Variants in DISC1 observed in about 807,000 individuals in gnomAD.
DISC1 encodes disrupted in schizophrenia 1 protein.
DISC1 carries 57 observed loss-of-function variants against 84.5 expected under a neutral mutation model. That is an observed-to-expected ratio of 0.67 (90% CI 0.55 to 0.84). The LOEUF (loss-of-function observed/expected upper bound fraction) is 0.84, where lower values mean the gene tolerates loss of function less well. Ranked by LOEUF, DISC1 falls within the 40% of genes least tolerant of loss-of-function variation. The pLI, the probability that DISC1 is intolerant of heterozygous loss-of-function variation, is 0.00. For missense variants in DISC1, 1,000 were observed against 1,057.8 expected, an observed-to-expected ratio of 0.95 and a Z score of 0.76; for synonymous variants, 411 against 415.2, an observed-to-expected ratio of 0.99 and a Z score of 0.12.
intron 8 of DISC1, among the ~76,000 whole-genome samples, chr1:231,802,262 G>C (rs936285833): frequency 6.6e-6 from 1 of 152,042 alleles, no homozygotes; most frequent in Admixed American, 6.6e-5. Flanking sequence ...TCATGAGGGC[G>C]GTTTCCCCCA....
At chr1:231,713,425 A>T (rs2068135051) in intron 3 of DISC1, among the ~76,000 whole-genome samples, 1 of 152,102 alleles carries the variant, frequency 6.6e-6, no homozygotes, top group Non-Finnish European at 1.5e-5. Context: ...AACCAGAAAA[A>T]CAGTGTATGA....
intron 11 of DISC1, among the ~76,000 whole-genome samples, chr1:232,021,251 G>A (rs978576673): frequency 2.0e-5 from 3 of 151,850 alleles, no homozygotes; most frequent in South Asian, 2.1e-4. Flanking sequence ...CCTGTGGGTC[G>A]TATTGCACTC....
chr1:231,762,277 CT>C (rs2075796987), intron 4 of DISC1, among the ~76,000 whole-genome samples: 1 of 130,908 alleles, frequency 7.6e-6, no homozygotes, highest in African/African-American at 2.9e-5. Context: ...CTTTCCTTTC[CT>C]TTTCTTTTCT....
chr1:231,742,539 G>C (rs970431036), intron 3 of DISC1, among the ~76,000 whole-genome samples: 22 of 152,118 alleles, frequency 1.4e-4, no homozygotes, highest in African/African-American at 5.3e-4. Context: ...TTGGGAGGCC[G>C]AGGCAGGAAG....
intron 10 of DISC1, among the ~76,000 whole-genome samples, chr1:231,972,339 G>A (rs200616866): frequency 1.3e-5 from 2 of 152,232 alleles, no homozygotes; most frequent in Non-Finnish European, 2.9e-5. Flanking sequence ...TGCCAGAGGG[G>A]CAGGGGCTCA....
intron 11 of DISC1, among the ~76,000 whole-genome samples, chr1:232,018,233 T>C (rs929586214): frequency 4.6e-5 from 7 of 152,236 alleles, no homozygotes; most frequent in Non-Finnish European, 1.0e-4. Context: ...CTTTCTCTTA[T>C]CAAAACAACC....
At chr1:231,906,831 GGAAAAAAAAAATT>G (rs1558716659) in intron 9 of DISC1, among the ~76,000 whole-genome samples, 1 of 148,836 alleles carries the variant, frequency 6.7e-6, no homozygotes, top group Non-Finnish European at 1.5e-5. Context: ...CAAGAAGAAA[GGAAAAAAAAAATT>G]AAGGGGCTTA....
At chr1:231,998,362 G>A (rs553463168) in intron 10 of DISC1, among the ~76,000 whole-genome samples, 3 of 152,088 alleles carry the variant, frequency 2.0e-5, no homozygotes, top group Non-Finnish European at 4.4e-5. Context: ...ATTGAGAACC[G>A]CCCAGAAAAA....
Position 231,675,321 on chromosome 1 carries a change from GCCTCTTC to G in DISC1, c.68-18502_68-18496del, listed in dbSNP as rs753770176. ...GCTGGGTCCTGGGGTCTCTCTCCCT[GCCTCTTC>G]CCCAGCCCTACCCTATTGCACATTT... On this transcript the variant is annotated intron_variant, in intron 1 of 12. Transcript: ENST00000439617. The surrounding 1 kb of genome is among the most constrained non-coding windows in gnomAD (Gnocchi z 4.1). 5.9e-5 allele frequency among the ~76,000 whole-genome samples: 9 copies of G among 151,992 alleles called. No homozygotes were observed. The highest frequency in any genetic ancestry group is 1.3e-4 in the Non-Finnish European group (9 of 68,016).
chr1:231,642,259 G>T (rs1388910709), intron 1 of DISC1, among the ~76,000 whole-genome samples: 1 of 152,220 alleles, frequency 6.6e-6, no homozygotes. Context: ...AGCACCGCGC[G>T]CAGCCCCCGG....
chr1:232,000,018 CAACGTTTTTT>C (rs1666468547), intron 10 of DISC1, among the ~76,000 whole-genome samples: 1 of 152,114 alleles, frequency 6.6e-6, no homozygotes, highest in Non-Finnish European at 1.5e-5. Context: ...AAATGGAACT[CAACGTTTTTT>C]AACATAATGA....
At chr1:231,851,288 C>T (rs556966653) in intron 9 of DISC1, among the ~76,000 whole-genome samples, 12 of 152,286 alleles carry the variant, frequency 7.9e-5, no homozygotes, top group Admixed American at 5.2e-4. Flanking sequence ...TTCAGATTCA[C>T]GGCACTGTTC....
chr1:231,672,239 A>T (rs1037767128), intron 1 of DISC1, among the ~76,000 whole-genome samples: 2 of 152,104 alleles, frequency 1.3e-5, no homozygotes, highest in Admixed American at 6.6e-5. Context: ...TATTTCTGTC[A>T]TCATGTCTGT....
rs897371601 is a variant in DISC1 at position 231,688,409 on chromosome 1, C to T, written c.68-5417C>T. 4.5e-4 allele frequency among the ~76,000 whole-genome samples: 68 copies of T among 152,198 alleles called. 1 individual carries two copies. Among genetic ancestry groups the T allele is most frequent in the African/African-American group, 1.6e-3 (65 of 41,450 alleles). Reference sequence around the variant, plus strand: ...ACTAACTCACAAAATGCGTCTGCATCGGGACTGACTTGTGGCATTCATTTT... The same window carrying T: ...ACTAACTCACAAAATGCGTCTGCATTGGGACTGACTTGTGGCATTCATTTT... On this transcript the variant is annotated intron_variant, in intron 1 of 12. Coordinates refer to ENST00000439617, the MANE Select transcript of DISC1 (RefSeq NM_018662.3).
intron 6 of DISC1, chr1:231,771,298 C>A: frequency 1.0e-6 from 1 of 983,758 alleles, no homozygotes; most frequent in Non-Finnish European, 1.2e-6. Flanking sequence ...ATGCCAGCGA[C>A]CCTCCCCATT....
intron 6 of DISC1, among the ~76,000 whole-genome samples, chr1:231,787,099 T>C (rs11590192): frequency 0.45 from 68,886 of 151,918 alleles, 15,881 homozygotes; most frequent in Admixed American, 0.52. Context: ...TTTAAGTATG[T>C]TCTAAGGCTC....
In DISC1 at chr1:231,658,952, G is replaced by C. The variant is rs559150748; in HGVS notation, c.67+32018G>C. On this transcript the variant is annotated intron_variant, in intron 1 of 12. Transcript: ENST00000439617. ...GCCTGAGGTTTTCTTTTTTTTTGTT[G>C]TATCTCTGCCAGGTTTTGGTATCAG... Among the ~76,000 whole-genome samples the C allele has an allele frequency of 3.6e-3, 542 of 151,704 alleles. 4 individuals carry two copies. The highest frequency in any genetic ancestry group is 0.013 in the African/African-American group (523 of 41,392).
rs2125661901 is a variant in DISC1, at chr1:231,694,672, T to G, written c.914T>G (p.Leu305Arg). Reference protein sequence around the residue: ...PDMDPGSSSSLDPSLAGCGGD... With the variant: ...PDMDPGSSSSRDPSLAGCGGD... ...ATGGACCCTGGCTCCTCCAGTTCTC[T>G]GGATCCCTCACTGGCTGGCTGTGGT... is the stretch of plus-strand genomic sequence containing the variant. The change falls in exon 2 of 13, where the codon CTG becomes CGG. Residue 305 changes from leucine (L) to arginine (R), a missense_variant. Leu to Arg is a moderately radical substitution (Grantham distance 102). Coordinates refer to ENST00000439617, the MANE Select transcript of DISC1 (RefSeq NM_018662.3). The G allele has an allele frequency of 6.2e-7, 1 of 1,614,252 alleles. No homozygotes were observed. Among genetic ancestry groups the G allele is most frequent in the Non-Finnish European group, 8.5e-7 (1 of 1,180,044 alleles).
At chr1:231,749,905 C>G (rs746641012) in intron 3 of DISC1, 21 bp from the exon 4 acceptor site, 14 of 1,613,972 alleles carry the variant, frequency 8.7e-6, no homozygotes, top group South Asian at 3.3e-5. Flanking sequence ...TTTCCTCTCT[C>G]TCATCATTTT....
Sources: allele counts gnomAD v4.1 joint callset (sites outside exome capture counted in the v4.1 genomes callset), GRCh38; gene constraint gnomAD v4.1.1; non-coding constraint Gnocchi (gnomAD v3.1); transcripts MANE v1.5; gene names NCBI Gene and HGNC (gene_info 2026-07-23, HGNC 2026-07-21).